KAZN: variants seen among roughly 807,000 people sequenced by gnomAD.
KAZN encodes kazrin.
A neutral mutation model predicts 87.4 loss-of-function variants in KAZN; 40 were observed. The ratio of observed to expected loss-of-function variants is 0.46; its 90% CI spans 0.36 to 0.60. The LOEUF (loss-of-function observed/expected upper bound fraction) is 0.60. KAZN is among the 20% of genes least tolerant of loss of function. KAZN has a pLI of 0.00. For missense variants in KAZN, 898 were observed against 1,073.9 expected (o/e 0.84, Z 2.29); for synonymous variants, 466 against 458.3 (o/e 1.02, Z -0.22).
At chr1:14,838,736 C>T (rs1353662872) in intron 1 of KAZN, among the ~76,000 whole-genome samples, 1 of 152,176 alleles carries the variant, frequency 6.6e-6, no homozygotes, top group Non-Finnish European at 1.5e-5. Context: ...ATTCTCATGT[C>T]TCAGCCTCCT....
intron 4 of KAZN, among the ~76,000 whole-genome samples, chr1:15,050,001 A>G (rs1263370015): frequency 1.3e-5 from 2 of 151,572 alleles, no homozygotes; most frequent in African/African-American, 4.9e-5. Flanking sequence ...CCTGGATGAC[A>G]GAGTGAGACT....
At chr1:14,159,424 C>T (rs1013986381) in intron 1 of KAZN, among the ~76,000 whole-genome samples, 2 of 152,206 alleles carry the variant, frequency 1.3e-5, no homozygotes, top group Admixed American at 1.3e-4. Flanking sequence ...TAGACTACCG[C>T]TGATGTTCTC....
chr1:14,737,839 A>C (rs569612964), intron 1 of KAZN, among the ~76,000 whole-genome samples: 1 of 152,302 alleles, frequency 6.6e-6, no homozygotes, highest in South Asian at 2.1e-4. Flanking sequence ...GGGCCTCTCC[A>C]TCAGCTCTTG....
intron 2 of KAZN, among the ~76,000 whole-genome samples, chr1:14,315,661 C>T (rs1344715783): frequency 2.6e-5 from 4 of 151,980 alleles, no homozygotes; most frequent in African/African-American, 7.2e-5. Flanking sequence ...AGTATGTCCT[C>T]TTTTGTGTTT....
At chr1:14,504,654 G>T (rs1434183264) in intron 2 of KAZN, among the ~76,000 whole-genome samples, 1 of 152,168 alleles carries the variant, frequency 6.6e-6, no homozygotes, top group Non-Finnish European at 1.5e-5. Flanking sequence ...CAGGTAAGTT[G>T]CATCAGCAAC....
At chr1:14,555,882 T>C (rs1436547876) in intron 2 of KAZN, among the ~76,000 whole-genome samples, 2 of 152,224 alleles carry the variant, frequency 1.3e-5, no homozygotes, top group Non-Finnish European at 2.9e-5. Context: ...TTACTTATGA[T>C]GTATTATATC....
chr1:14,432,555 A>ATT (rs909880085), intron 2 of KAZN, among the ~76,000 whole-genome samples: 1 of 150,156 alleles, frequency 6.7e-6, no homozygotes, highest in African/African-American at 2.4e-5. Flanking sequence ...CTTTTTTATA[A>ATT]TTTTTTTTTT....
intron 1 of KAZN, among the ~76,000 whole-genome samples, chr1:14,086,588 GTTT>G (rs1384326933): frequency 6.6e-6 from 1 of 152,126 alleles, no homozygotes; most frequent in African/African-American, 2.4e-5. Context: ...AGAACTTTAA[GTTT>G]TTAAGTTCTA....
At chr1:14,618,920 T>C (rs1010516337) in intron 1 of KAZN, among the ~76,000 whole-genome samples, 3 of 152,124 alleles carry the variant, frequency 2.0e-5, no homozygotes, top group Non-Finnish European at 4.4e-5. Context: ...GAAGGGCAAG[T>C]AGGTCTTCTT....
Position 13,927,655 on chromosome 1 carries a change from T to C in KAZN, c.91+33899T>C, listed in dbSNP as rs538138182. On this transcript the variant is annotated intron_variant, in intron 1 of 16. Coordinates refer to the KAZN transcript ENST00000636203. The stretch of plus-strand genomic sequence containing the variant: ...TTTGAGCCAGGCATGTTTTTAGGCA[T>C]GGAAAATACAGTGGATGCAGGATGG... Among the ~76,000 whole-genome samples, 20 of 152,310 alleles carry C rather than the reference T, an allele frequency of 1.3e-4. No individual in the cohort carries two copies. In the South Asian group the frequency reaches 4.1e-3, roughly 32 times the overall value.
At chr1:14,908,730 T>TG (rs1656891756) in intron 1 of KAZN, among the ~76,000 whole-genome samples, 2 of 150,352 alleles carry the variant, frequency 1.3e-5, no homozygotes, top group East Asian at 4.0e-4. Flanking sequence ...AAAGAACATG[T>TG]GGGTCCGGGC....
chr1:14,388,344 A>G (rs763191838), intron 2 of KAZN, among the ~76,000 whole-genome samples: 2 of 151,892 alleles, frequency 1.3e-5, no homozygotes, highest in Non-Finnish European at 3.0e-5. Context: ...CTTCCCCCCT[A>G]GAAGAAACAA....
chr1:15,012,307 G>C (rs1231681281), intron 2 of KAZN, among the ~76,000 whole-genome samples: 1 of 152,108 alleles, frequency 6.6e-6, no homozygotes, highest in Non-Finnish European at 1.5e-5. Context: ...AGAAACTTCC[G>C]CTGCCTCCCA....
chr1:14,929,456 A>G lies in KAZN; in HGVS notation c.227-31228A>G, dbSNP rs1659549289. On this transcript the variant is annotated intron_variant, in intron 1 of 14. Transcript: ENST00000376030. ...ACCCTCCAGCCATTCTGGAGGAAGAAGAGTTTGTTCATTTTTTAAATCATC... is the reference window on the plus strand; with the variant it reads ...ACCCTCCAGCCATTCTGGAGGAAGAGGAGTTTGTTCATTTTTTAAATCATC... 2.0e-5 allele frequency among the ~76,000 whole-genome samples: 3 copies of G among 152,182 alleles called. No individual in the cohort carries two copies. The South Asian group carries it at 6.2e-4, about 32-fold the overall frequency.
At chr1:14,882,750 T>G (rs1446495126) in intron 1 of KAZN, among the ~76,000 whole-genome samples, 1 of 152,092 alleles carries the variant, frequency 6.6e-6, no homozygotes, top group Non-Finnish European at 1.5e-5. Context: ...AAAAGTTCAT[T>G]GGCATTTATG....
intron 1 of KAZN, among the ~76,000 whole-genome samples, chr1:14,886,036 C>T (rs992870010): frequency 3.3e-5 from 5 of 152,102 alleles, no homozygotes; most frequent in African/African-American, 1.2e-4. Context: ...CCCCACAACA[C>T]CTGCAAATGT....
chr1:14,814,348 T>A (rs1646503282), intron 1 of KAZN, among the ~76,000 whole-genome samples: 1 of 152,154 alleles, frequency 6.6e-6, no homozygotes, highest in South Asian at 2.1e-4. Context: ...TGCCTCAGCC[T>A]CCCGAGTATC....
intron 1 of KAZN, among the ~76,000 whole-genome samples, chr1:14,835,772 G>T (rs1293283109): frequency 6.6e-6 from 1 of 151,920 alleles, no homozygotes; most frequent in Non-Finnish European, 1.5e-5. Flanking sequence ...CCTTGGCCTG[G>T]ACTCTTTCCC....
chr1:14,756,610 C>T lies in KAZN; in HGVS notation c.226+157387C>T, dbSNP rs755483985. The stretch of plus-strand genomic sequence containing the variant: ...AGTGGGTGCACCGTGGAAATAGAGC[C>T]TGTTTCATTGGATGTAGCACTGTTT... On this transcript the variant is annotated intron_variant, in intron 1 of 14. Transcript: ENST00000376030. 2.2e-4 allele frequency among the ~76,000 whole-genome samples: 34 copies of T among 152,194 alleles called. 1 individual carries two copies. The highest frequency in any genetic ancestry group is 1.4e-3 in the Admixed American group (22 of 15,276).
Sources: allele counts gnomAD v4.1 joint callset (sites outside exome capture counted in the v4.1 genomes callset), GRCh38; gene constraint gnomAD v4.1.1; transcripts MANE v1.5; gene names NCBI Gene and HGNC (gene_info 2026-07-23, HGNC 2026-07-21).